Variants in PAPPA observed in about 807,000 individuals in gnomAD.
PAPPA encodes the protein pappalysin 1, also known as pappalysin-1.
In PAPPA, 60 loss-of-function variants were observed where a neutral mutation model predicts 164.0. The observed-to-expected ratio is 0.37, with a 90% CI of 0.30 to 0.45. The LOEUF (loss-of-function observed/expected upper bound fraction) is 0.45. Ranked by LOEUF, PAPPA falls within the 20% of genes least tolerant of loss-of-function variation. The pLI, the probability that PAPPA is intolerant of heterozygous loss-of-function variation, is 1.00. For missense variants in PAPPA, 1,782 were observed against 2,087.3 expected, an observed-to-expected ratio of 0.85 and a Z score of 2.85; for synonymous variants, 875 against 814.1, an observed-to-expected ratio of 1.07 and a Z score of -1.27.
chr9:116,327,392 G>A (rs576130479), intron 10 of PAPPA, among the ~76,000 whole-genome samples: 11 of 152,234 alleles, frequency 7.2e-5, no homozygotes, highest in South Asian at 6.2e-4. Flanking sequence ...GAATGTCACC[G>A]GAGCCAGTGT....
chr9:116,231,729 T>C (rs1844596914), intron 6 of PAPPA, among the ~76,000 whole-genome samples: 1 of 148,902 alleles, frequency 6.7e-6, no homozygotes, highest in Admixed American at 6.8e-5. Flanking sequence ...ATAGTGTCTG[T>C]GTCTCTAAAC....
At position 116,154,414 on chromosome 9, in the gene PAPPA, G is replaced by C; in HGVS notation, c.242G>C (p.Arg81Pro). 1 of 1,209,064 alleles carries C rather than the reference G, an allele frequency of 8.3e-7. No homozygotes were observed. Among genetic ancestry groups the C allele is most frequent in the Non-Finnish European group, 1.0e-6 (1 of 957,708 alleles). The allele number at this position is 1,209,064 out of a possible 1,614,324, so 74.9% of individuals were successfully genotyped here. Residue 81 changes from arginine (R) to proline (P), a missense_variant, in exon 1 of 22, where the codon CGG becomes CCG. Arg to Pro is a moderately radical substitution (Grantham distance 103). Around this residue, in one of 2 missense-constraint regions of PAPPA, gnomAD observed 458 missense variants for 430.3 expected, o/e 1.06. Transcript: ENST00000328252. This position sits in a 1 kb window ranked among gnomAD's most constrained non-coding sequence, Gnocchi z 5.2. The stretch of plus-strand genomic sequence containing the variant: ...CGCGTCCCCCGGCGGCGGCAGCAGC[G>C]GGAGGCGAGGGGCGCCACCGAGGAG... ...AVRVPRRRQQ[R>P]EARGATEEPS...
intron 4 of PAPPA, among the ~76,000 whole-genome samples, chr9:116,217,172 C>CT (rs1419445540): frequency 2.0e-5 from 3 of 152,216 alleles, no homozygotes; most frequent in South Asian, 2.1e-4. Flanking sequence ...GAAAAATACA[C>CT]TTTTTTGTTG....
At chr9:116,304,181 T>C (rs1371335764) in intron 10 of PAPPA, among the ~76,000 whole-genome samples, 1 of 152,228 alleles carries the variant, frequency 6.6e-6, no homozygotes, top group Non-Finnish European at 1.5e-5. Context: ...TATCTATTTG[T>C]CTGTCTGGCT....
intron 1 of PAPPA, among the ~76,000 whole-genome samples, chr9:116,178,170 G>A (rs748769421): frequency 1.3e-5 from 2 of 152,270 alleles, no homozygotes; most frequent in East Asian, 3.9e-4. Context: ...GCAGTGGCGC[G>A]ATCTCGGCTT....
intron 6 of PAPPA, 139 bp from the exon 7 acceptor site, chr9:116,235,000 G>C: frequency 1.2e-6 from 1 of 835,376 alleles, no homozygotes; most frequent in Non-Finnish European, 1.9e-6. Flanking sequence ...GATTCACCAA[G>C]GCACCAAGAA....
At chr9:116,242,551 G>T (rs1844748521) in intron 7 of PAPPA, among the ~76,000 whole-genome samples, 1 of 152,170 alleles carries the variant, frequency 6.6e-6, no homozygotes, top group Admixed American at 6.5e-5. Context: ...ATGTGCTGCA[G>T]GTAATTTAGC....
rs1292043021 is a variant in PAPPA, at chr9:116,235,206, C to T, written c.2301C>T (p.Asn767=). The T allele has an allele frequency of 6.2e-7, 1 of 1,614,158 alleles. No homozygotes were observed. The highest frequency in any genetic ancestry group is 1.1e-5 in the South Asian group (1 of 91,086). ...CCTGGAGCCCAAATTCAGCTGTCAA[C>T]CCACACACGGTTCCTCCAGCCTGCC... ...VRTWSPNSAV[N]PHTVPPACPE... The change falls in exon 7 of 22, where the codon AAC becomes AAT. Residue 767 remains asparagine, a synonymous_variant. Coordinates refer to ENST00000328252, the MANE Select transcript of PAPPA (RefSeq NM_002581.5).
intron 1 of PAPPA, among the ~76,000 whole-genome samples, chr9:116,173,461 C>T (rs1336385247): frequency 3.3e-5 from 5 of 152,100 alleles, no homozygotes; most frequent in Non-Finnish European, 5.9e-5. Flanking sequence ...AGCTAATGAT[C>T]CCCACCCACC....
chr9:116,371,126 T>C, intron 19 of PAPPA, among the ~76,000 whole-genome samples: 1 of 152,080 alleles, frequency 6.6e-6, no homozygotes, highest in East Asian at 1.9e-4. Flanking sequence ...GTATATTAAA[T>C]ACTGAGGCAG....
intron 17 of PAPPA, among the ~76,000 whole-genome samples, chr9:116,355,159 G>T (rs982264764): frequency 1.1e-4 from 17 of 151,092 alleles, no homozygotes; most frequent in African/African-American, 4.1e-4. Flanking sequence ...CCCACACTAG[G>T]CTGTGAAACA....
At chr9:116,324,104 C>T (rs1311587142) in intron 10 of PAPPA, among the ~76,000 whole-genome samples, 3 of 152,132 alleles carry the variant, frequency 2.0e-5, no homozygotes, top group East Asian at 1.9e-4. Flanking sequence ...ATTAAGACCC[C>T]GCTAGCACAA....
intron 9 of PAPPA, chr9:116,287,122 C>T (rs893368566): frequency 3.9e-5 from 6 of 152,208 alleles, no homozygotes; most frequent in African/African-American, 1.4e-4. Flanking sequence ...CTCTTGAAAC[C>T]TCAATTTCAT....
rs188482312 is a variant in PAPPA at position 116,206,330 on chromosome 9, G to A, written c.1479-1126G>A. Among the ~76,000 whole-genome samples the A allele has an allele frequency of 3.3e-5, 5 of 152,238 alleles. No homozygotes were observed. In the East Asian group the frequency reaches 9.7e-4, roughly 29 times the overall value. ...GCTTGGGGCTTTCTGTGACATGGGC[G>A]GCCTTGACACGCTAGATCTCAGACG... is the stretch of plus-strand genomic sequence containing the variant. On this transcript the variant is annotated intron_variant, in intron 2 of 21. Transcript: ENST00000328252.
At position 116,303,327 on chromosome 9, in the gene PAPPA, T is replaced by C. The variant is rs545942097; in HGVS notation, c.3147+377T>C. ...TGAATTAACAGTAATTATACAGTAA[T>C]TTGCTATGTGGCCTTAGACTAGTTC... On this transcript the variant is annotated intron_variant, in intron 10 of 21. Transcript: ENST00000328252. Among the ~76,000 whole-genome samples, 12 of 152,310 alleles carry C rather than the reference T, an allele frequency of 7.9e-5. No individual in the cohort carries two copies. In the East Asian group the frequency reaches 2.3e-3, roughly 29 times the overall value.
At chr9:116,286,145 T>G (rs1845336000) in intron 9 of PAPPA, 1 of 152,214 alleles carries the variant, frequency 6.6e-6, no homozygotes, top group South Asian at 2.1e-4. Flanking sequence ...CTTCTTTCAC[T>G]AAGTAGAGAC....
At chr9:116,168,419 A>T (rs1843739103) in intron 1 of PAPPA, among the ~76,000 whole-genome samples, 1 of 152,188 alleles carries the variant, frequency 6.6e-6, no homozygotes, top group Non-Finnish European at 1.5e-5. Flanking sequence ...ACATCATGGT[A>T]ACTGCTATAA....
intron 19 of PAPPA, among the ~76,000 whole-genome samples, chr9:116,369,307 C>A (rs1450406048): frequency 6.6e-6 from 1 of 152,158 alleles, no homozygotes; most frequent in East Asian, 1.9e-4. Context: ...TGCTCATATA[C>A]CCAGGCATGC....
intron 18 of PAPPA, among the ~76,000 whole-genome samples, chr9:116,365,743 C>T (rs1176369321): frequency 6.6e-6 from 1 of 151,958 alleles, no homozygotes; most frequent in Non-Finnish European, 1.5e-5. Flanking sequence ...GGGATTTTTG[C>T]TCCTTATTCT....
Sources: gnomAD v4.1 joint callset for allele counts (sites outside exome capture counted in the v4.1 genomes callset) on GRCh38, gnomAD v4.1.1 for gene constraint, gnomAD v4.1.1 regional missense constraint, Gnocchi (gnomAD v3.1) non-coding constraint, MANE v1.5 for transcripts, NCBI Gene and HGNC (gene_info 2026-07-23, HGNC 2026-07-21) for gene names.